The following PPP6C variants were observed in gnomAD, a reference collection of about 807,000 sequenced individuals.
PPP6C encodes serine/threonine-protein phosphatase 6 catalytic subunit.
Under a neutral mutation model 39.8 loss-of-function variants are expected in PPP6C, and 11 were observed. That is an observed-to-expected ratio of 0.28 (90% CI 0.17 to 0.46). PPP6C has a LOEUF of 0.46. Among genes scored for constraint, PPP6C ranks in the 20% least tolerant of loss-of-function variants. PPP6C has a pLI of 1.00. For synonymous variants in PPP6C, 129 were observed against 130.3 expected, an observed-to-expected ratio of 0.99 and a Z score of 0.07; for missense variants, 211 against 373.9, an observed-to-expected ratio of 0.56 and a Z score of 3.59.
chr9:125,150,897 C>T (rs1835920032), intron 6 of PPP6C: 2 of 878,070 alleles, frequency 2.3e-6, no homozygotes, highest in African/African-American at 1.6e-5. Flanking sequence ...TTCAGCGAGC[C>T]AGCTTACTGC....
At chr9:125,158,155 T>C (rs1353911956) in intron 4 of PPP6C, 86 bp downstream of exon 4, 9 of 1,329,030 alleles carry the variant, frequency 6.8e-6, no homozygotes, top group Admixed American at 4.1e-5. Flanking sequence ...ATAATATACA[T>C]AAAGCATGTG....
intron 6 of PPP6C, chr9:125,150,955 G>C: frequency 8.1e-7 from 1 of 1,232,716 alleles, no homozygotes; most frequent in Non-Finnish European, 1.2e-6. Context: ...AAAGAGTCAG[G>C]TGACAATCTC....
At chr9:125,171,582 C>G (rs1440175008) in intron 1 of PPP6C, among the ~76,000 whole-genome samples, 1 of 143,960 alleles carries the variant, frequency 6.9e-6, no homozygotes, top group Non-Finnish European at 1.5e-5. Flanking sequence ...TAAACGGAGT[C>G]TCACTCTGTC....
chr9:125,165,407 C>T (rs7861650), intron 2 of PPP6C, among the ~76,000 whole-genome samples: 2 of 151,414 alleles, frequency 1.3e-5, no homozygotes, highest in African/African-American at 4.9e-5. Flanking sequence ...CTCAAAAAAA[C>T]AAATCAATAA....
intron 1 of PPP6C, among the ~76,000 whole-genome samples, chr9:125,178,755 G>A (rs544354313): frequency 6.6e-6 from 1 of 152,248 alleles, no homozygotes; most frequent in South Asian, 2.1e-4. Context: ...AAGCTTCACT[G>A]AGGCCCAATA....
chr9:125,164,159 G>A (rs559770682), intron 2 of PPP6C, among the ~76,000 whole-genome samples: 33 of 146,374 alleles, frequency 2.3e-4, no homozygotes, highest in African/African-American at 8.0e-4. Context: ...TACATTACTA[G>A]ACACCTACCT....
chr9:125,171,466 C>CAT (rs758192318), intron 1 of PPP6C, among the ~76,000 whole-genome samples: 27,272 of 85,262 alleles, frequency 0.32, 3,529 homozygotes, highest in Non-Finnish European at 0.44. Context: ...CATATACACA[C>CAT]ACACACACAC....
chr9:125,167,861 C>A (rs1398954332), intron 2 of PPP6C, among the ~76,000 whole-genome samples: 2 of 140,126 alleles, frequency 1.4e-5, no homozygotes, highest in Non-Finnish European at 3.0e-5. Flanking sequence ...CATTTGGTTG[C>A]CCAGGCTGGT....
At chr9:125,151,054 T>G in intron 6 of PPP6C, 1 of 1,358,124 alleles carries the variant, frequency 7.4e-7, no homozygotes, top group East Asian at 2.3e-5. Flanking sequence ...TCAGGGCTTT[T>G]TTGATAACCC....
At chr9:125,183,595 T>C (rs1829463189) in intron 1 of PPP6C, among the ~76,000 whole-genome samples, 7 of 152,194 alleles carry the variant, frequency 4.6e-5, no homozygotes, top group Admixed American at 2.0e-4. Context: ...CTTCTATGAT[T>C]TGGCATCTTT....
chr9:125,171,478 CATAT>C (rs59002869), intron 1 of PPP6C, among the ~76,000 whole-genome samples: 10,267 of 83,218 alleles, frequency 0.12, 571 homozygotes, highest in East Asian at 0.18. Context: ...CACACACACA[CATAT>C]ATATATATAT....
Position 125,150,643 on chromosome 9 carries a change from C to T in PPP6C, c.670-722G>A, listed in dbSNP as rs73668904. On this transcript the variant is annotated intron_variant, in intron 6 of 6. Coordinates refer to ENST00000373547, the MANE Select transcript of PPP6C (RefSeq NM_002721.5). ...AGTGAAGAGTGCTTAGGGTAGTTGG[C>T]CAGGATCCTGAATATCAAAATCTTC... 4.3e-3 allele frequency: 4,189 copies of T among 973,088 alleles called. 142 individuals are homozygous for T. In the African/African-American group the frequency reaches 0.062, roughly 14 times the overall value. The allele number at this position is 973,088 out of a possible 1,614,324, so 60.3% of individuals were successfully genotyped here. A position where few individuals can be genotyped will look rare whatever the true frequency, so the allele number is the denominator to read the frequency against.
chr9:125,160,246 AG>A (rs1430766396), intron 3 of PPP6C, among the ~76,000 whole-genome samples: 1 of 152,210 alleles, frequency 6.6e-6, no homozygotes, highest in Non-Finnish European at 1.5e-5. Context: ...GCCTTAAACC[AG>A]GGGTTCTGGG....
chr9:125,185,942 G>A lies in PPP6C; in HGVS notation c.75+3702C>T, dbSNP rs535411372. On this transcript the variant is annotated intron_variant, in intron 1 of 6. Coordinates refer to ENST00000373547, the MANE Select transcript of PPP6C (RefSeq NM_002721.5). ...AGAGGTTGCAGTGAGCCAAGCTCAC[G>A]CCATTGCACTCCACCCTGAGCAACA... Among the ~76,000 whole-genome samples the A allele has an allele frequency of 8.5e-5, 13 of 152,074 alleles. No individual in the cohort carries two copies. The East Asian group carries it at 2.1e-3, about 25-fold the overall frequency.
intron 2 of PPP6C, among the ~76,000 whole-genome samples, chr9:125,165,908 T>C (rs1829002980): frequency 6.7e-6 from 1 of 148,568 alleles, no homozygotes. Context: ...GCAATTCTCA[T>C]GCCTCAGCCA....
At chr9:125,155,805 G>A (rs1004456419) in intron 4 of PPP6C, among the ~76,000 whole-genome samples, 6 of 151,464 alleles carry the variant, frequency 4.0e-5, no homozygotes, top group Non-Finnish European at 7.4e-5. Context: ...CTTGGGAGGC[G>A]GAGGCAGGAG....
intron 1 of PPP6C, among the ~76,000 whole-genome samples, chr9:125,181,508 CA>C (rs1489870914): frequency 1.3e-5 from 2 of 152,068 alleles, no homozygotes; most frequent in Non-Finnish European, 2.9e-5. Context: ...TGACAGGCCC[CA>C]GCATGTGATG....
At chr9:125,169,797 A>G (rs1455813100) in intron 2 of PPP6C, among the ~76,000 whole-genome samples, 1 of 152,240 alleles carries the variant, frequency 6.6e-6, no homozygotes, top group Non-Finnish European at 1.5e-5. Context: ...TAACAATCAA[A>G]GATGACATAA....
In PPP6C at chr9:125,148,476, T is replaced by C. The variant is rs938298581; in HGVS notation, c.*1197A>G. 3.4e-5 allele frequency: 5 copies of C among 148,892 alleles called. No homozygotes were observed. The highest frequency in any genetic ancestry group is 6.0e-5 in the Non-Finnish European group (4 of 67,088). The allele number at this position is 148,892 out of a possible 1,614,324, so 9.2% of individuals were successfully genotyped here. Reference sequence around the variant, plus strand: ...AAATTACTTACACAAAGCTGAAATATGGTATCACAGACCTTTGCAAAAAAG... The same window carrying C: ...AAATTACTTACACAAAGCTGAAATACGGTATCACAGACCTTTGCAAAAAAG... On this transcript the variant is annotated 3_prime_UTR_variant, in exon 7 of 7. Transcript: ENST00000373547.
Sources: gnomAD v4.1 joint callset for allele counts (sites outside exome capture counted in the v4.1 genomes callset) on GRCh38, gnomAD v4.1.1 for gene constraint, MANE v1.5 for transcripts, NCBI Gene and HGNC (gene_info 2026-07-23, HGNC 2026-07-21) for gene names.